CPA6: variants seen among roughly 807,000 people sequenced by gnomAD.
CPA6 encodes carboxypeptidase A6.
Under a neutral mutation model 63.3 loss-of-function variants are expected in CPA6, and 58 were observed. The observed-to-expected ratio is 0.92, with a 90% confidence interval of 0.74 to 1.14. CPA6 has a LOEUF of 1.14. Among genes scored for constraint, CPA6 ranks in the 50% most tolerant of loss-of-function variants. The pLI, the probability that CPA6 is intolerant of heterozygous loss-of-function variation, is 0.00. For synonymous variants in CPA6, 185 were observed against 179.0 expected (o/e 1.03, Z -0.27); for missense variants, 565 against 526.6 (o/e 1.07, Z -0.71).
At chr8:67,745,574 C>T (rs1048479707) in intron 1 of CPA6, among the ~76,000 whole-genome samples, 1 of 149,932 alleles carries the variant, frequency 6.7e-6, no homozygotes, top group Admixed American at 6.6e-5. Flanking sequence ...CTAATAAGCA[C>T]AGACAAAAAA....
intron 7 of CPA6, among the ~76,000 whole-genome samples, chr8:67,484,126 GTGGCACGATCTC>G (rs1811420979): frequency 6.6e-6 from 1 of 151,702 alleles, no homozygotes; most frequent in African/African-American, 2.4e-5. Flanking sequence ...CTGGAGTGCA[GTGGCACGATCTC>G]GGCTCACTGC....
intron 1 of CPA6, among the ~76,000 whole-genome samples, chr8:67,695,605 T>C (rs62511409): frequency 0.035 from 5,301 of 152,324 alleles, 117 homozygotes; most frequent in Non-Finnish European, 0.047. Context: ...AAAATAAGTG[T>C]GGCAACTGGC....
chr8:67,519,597 C>T (rs1812219116), intron 2 of CPA6, among the ~76,000 whole-genome samples: 1 of 152,212 alleles, frequency 6.6e-6, no homozygotes, highest in African/African-American at 2.4e-5. Context: ...AAGAGTCTAC[C>T]TGTTTTCTTT....
In CPA6 at chr8:67,471,963, A is replaced by C. The variant is rs188415246; in HGVS notation, c.838+11805T>G. ...CTTATATAGGCATGAAATTTACGAA[A>C]ATAAAAAATAGCATGACTTCTCAAA... On this transcript the variant is annotated intron_variant, in intron 8 of 10. Coordinates refer to ENST00000297770, the MANE Select transcript of CPA6 (RefSeq NM_020361.5). Among the ~76,000 whole-genome samples the C allele has an allele frequency of 2.0e-5, 3 of 152,350 alleles. No individual in the cohort carries two copies. In the East Asian group the frequency reaches 5.8e-4, roughly 29 times the overall value.
intron 6 of CPA6, among the ~76,000 whole-genome samples, chr8:67,492,374 G>A (rs1050605271): frequency 3.9e-5 from 6 of 152,122 alleles, no homozygotes; most frequent in African/African-American, 1.2e-4. Context: ...AGACAAGTAT[G>A]GCAATCTGCC....
At chr8:67,505,431 T>A (rs1479335049) in intron 6 of CPA6, among the ~76,000 whole-genome samples, 1 of 152,192 alleles carries the variant, frequency 6.6e-6, no homozygotes. Context: ...TTAGCTGGAA[T>A]GCTGGGGAGA....
intron 1 of CPA6, among the ~76,000 whole-genome samples, chr8:67,689,359 G>T (rs1392425792): frequency 6.6e-6 from 1 of 152,096 alleles, no homozygotes; most frequent in African/African-American, 2.4e-5. Context: ...TGAGGTTTGG[G>T]GTACAGATGA....
chr8:67,463,400 C>T (rs187414055), intron 8 of CPA6, among the ~76,000 whole-genome samples: 118 of 151,982 alleles, frequency 7.8e-4, no homozygotes, highest in Admixed American at 5.4e-3. Context: ...GCTGAGATTG[C>T]GCCACTGCAC....
intron 1 of CPA6, among the ~76,000 whole-genome samples, chr8:67,734,640 A>G (rs887812083): frequency 2.0e-5 from 3 of 152,158 alleles, no homozygotes; most frequent in African/African-American, 4.8e-5. Context: ...ACTGCTGCAA[A>G]TACTTTGCTA....
chr8:67,449,734 C>T (rs988637296), intron 8 of CPA6, among the ~76,000 whole-genome samples: 1 of 151,824 alleles, frequency 6.6e-6, no homozygotes, highest in Non-Finnish European at 1.5e-5. Context: ...CAATGTTCCT[C>T]TCATGTTCTC....
At chr8:67,579,344 T>A (rs1587589706) in intron 2 of CPA6, among the ~76,000 whole-genome samples, 1 of 152,138 alleles carries the variant, frequency 6.6e-6, no homozygotes, top group Non-Finnish European at 1.5e-5. Flanking sequence ...ATCCAGGAGT[T>A]GGAGGTTGCA....
intron 2 of CPA6, among the ~76,000 whole-genome samples, chr8:67,555,331 G>A (rs867775217): frequency 1.3e-5 from 2 of 152,138 alleles, no homozygotes; most frequent in African/African-American, 4.8e-5. Context: ...TTCAGTCATC[G>A]ATGGCCAATG....
At chr8:67,710,753 G>C (rs373545616) in intron 1 of CPA6, among the ~76,000 whole-genome samples, 5 of 151,028 alleles carry the variant, frequency 3.3e-5, no homozygotes, top group Admixed American at 6.6e-5. Context: ...TAGTCTGTTG[G>C]GGGGGGCTTA....
chr8:67,676,108 T>C (rs1816466551), intron 1 of CPA6, among the ~76,000 whole-genome samples: 1 of 152,220 alleles, frequency 6.6e-6, no homozygotes, highest in African/African-American at 2.4e-5. Context: ...ACACTATACC[T>C]ATATCAATGG....
rs191353736 is a variant in CPA6, at chr8:67,671,376, T to A, written c.117-47125A>T. On this transcript the variant is annotated intron_variant, in intron 1 of 10. Transcript: ENST00000297770. The stretch of plus-strand genomic sequence containing the variant: ...CTCCCCCATCCCCACTGCAGCCCAC[T>A]CAGCAGGAGTGGCTCTTCACCAAGC... Among the ~76,000 whole-genome samples, 176 of 152,288 alleles carry A rather than the reference T, an allele frequency of 1.2e-3. 1 individual carries two copies. Among genetic ancestry groups the A allele is most frequent in the African/African-American group, 4.1e-3 (170 of 41,556 alleles).
chr8:67,713,637 CG>C (rs544185641), intron 1 of CPA6, among the ~76,000 whole-genome samples: 401 of 152,226 alleles, frequency 2.6e-3, no homozygotes, highest in African/African-American at 9.3e-3. Flanking sequence ...AGTTTATAGG[CG>C]GCCTGGGAAT....
chr8:67,469,025 A>G (rs893659834), intron 8 of CPA6, among the ~76,000 whole-genome samples: 5 of 152,096 alleles, frequency 3.3e-5, no homozygotes, highest in African/African-American at 4.8e-5. Flanking sequence ...TTAATTTTCA[A>G]ATCTGCCCTT....
intron 8 of CPA6, among the ~76,000 whole-genome samples, chr8:67,455,074 T>C (rs2128956211): frequency 6.6e-6 from 1 of 152,138 alleles, no homozygotes; most frequent in African/African-American, 2.4e-5. Flanking sequence ...AATTAAAAAA[T>C]AAAGGACAAC....
chr8:67,511,768 A>G, intron 3 of CPA6, 113 bp from the exon 4 acceptor site: 1 of 663,106 alleles, frequency 1.5e-6, no homozygotes. Context: ...GGTGATCAAT[A>G]TTCCTAAAAA....
Sources: gnomAD v4.1 joint callset for allele counts (sites outside exome capture counted in the v4.1 genomes callset) on GRCh38, gnomAD v4.1.1 for gene constraint, MANE v1.5 for transcripts, NCBI Gene and HGNC (gene_info 2026-07-23, HGNC 2026-07-21) for gene names.